The following RDX variants were observed in gnomAD, a reference collection of about 807,000 sequenced individuals.
The protein encoded by RDX is radixin.
Under a neutral mutation model 83.7 loss-of-function variants are expected in RDX, and 32 were observed. The ratio of observed to expected loss-of-function variants is 0.38; its 90% CI spans 0.29 to 0.51. The LOEUF (loss-of-function observed/expected upper bound fraction) is 0.51. Among genes scored for constraint, RDX ranks in the 20% least tolerant of loss-of-function variants. The pLI, the probability that RDX is intolerant of heterozygous loss-of-function variation, is 0.87. For missense variants in RDX, 600 were observed against 689.9 expected, an observed-to-expected ratio of 0.87 and a Z score of 1.46; for synonymous variants, 229 against 222.7, an observed-to-expected ratio of 1.03 and a Z score of -0.25.
At chr11:110,270,738 TAATA>T (rs1412432876) in intron 3 of RDX, among the ~76,000 whole-genome samples, 1 of 152,206 alleles carries the variant, frequency 6.6e-6, no homozygotes, top group Admixed American at 6.5e-5. Context: ...CACTGCCCTA[TAATA>T]AATGGTTTCA....
rs183003357 is a variant in RDX, at chr11:110,220,872, C to T, written c.1748+11001G>A. Among the ~76,000 whole-genome samples, 20 of 120,160 alleles carry T rather than the reference C, an allele frequency of 1.7e-4. No individual in the cohort carries two copies. The East Asian group carries it at 4.8e-3, about 29-fold the overall frequency. 78.8% of individuals were successfully genotyped at this position (120,160 alleles called of 152,430 possible). Reference sequence around the variant, plus strand: ...ACTGATAAAACCTGGATCTAAACAGCCTCTGTAAAAAAAAAAAAAAAAAAA... The same window carrying T: ...ACTGATAAAACCTGGATCTAAACAGTCTCTGTAAAAAAAAAAAAAAAAAAA... On this transcript the variant is annotated intron_variant, in intron 14 of 15. Coordinates refer to the RDX transcript ENST00000528498.
intron 10 of RDX, among the ~76,000 whole-genome samples, chr11:110,243,129 G>A (rs1273944005): frequency 6.6e-6 from 1 of 152,022 alleles, no homozygotes; most frequent in Non-Finnish European, 1.5e-5. Flanking sequence ...GACACTCAAG[G>A]GGAATGCTTA....
intron 8 of RDX, 100 bp from the exon 9 acceptor site, chr11:110,254,209 A>AT: frequency 2.2e-6 from 2 of 910,632 alleles, no homozygotes; most frequent in South Asian, 2.9e-5. Flanking sequence ...TTTTAATGTC[A>AT]TATTACATAT....
chr11:110,264,941 T>C, intron 3 of RDX, 67 bp from the exon 4 acceptor site: 1 of 1,141,638 alleles, frequency 8.8e-7, no homozygotes, highest in Non-Finnish European at 1.3e-6. Flanking sequence ...TAGATGATAC[T>C]ACACTTCAAA....
At chr11:110,256,100 T>C (rs913051638) in intron 7 of RDX, among the ~76,000 whole-genome samples, 2 of 152,192 alleles carry the variant, frequency 1.3e-5, no homozygotes, top group Admixed American at 1.3e-4. Flanking sequence ...TTTTCATGTA[T>C]TTTACTGTTT....
At chr11:110,279,188 T>C (rs1295523781) in intron 2 of RDX, among the ~76,000 whole-genome samples, 1 of 152,176 alleles carries the variant, frequency 6.6e-6, no homozygotes, top group Non-Finnish European at 1.5e-5. Flanking sequence ...ACTAATTATA[T>C]CCCATTTTAT....
chr11:110,199,366 T>C (rs563888227), intron 15 of RDX, among the ~76,000 whole-genome samples: 6 of 152,290 alleles, frequency 3.9e-5, no homozygotes, highest in African/African-American at 1.4e-4. Context: ...GCCCAAGAGA[T>C]GCAAACTATT....
At chr11:110,247,629 A>G in intron 10 of RDX, 74 bp downstream of exon 10, 2 of 1,469,410 alleles carry the variant, frequency 1.4e-6, no homozygotes, top group Non-Finnish European at 1.9e-6. Context: ...GTTTAAGAGT[A>G]CTAAAAAAAA....
At chr11:110,179,903 C>CTTTTTTTTTTTTTTTTTTTTTTTCTTT in intron 15 of RDX, 1 of 363,754 alleles carries the variant, frequency 2.7e-6, no homozygotes, top group Non-Finnish European at 5.1e-6. Context: ...TTTCTTTTTT[C>CTTTTTTTTTTTTTTTTTTTTTTTCTTT]TTTTTTTTTT....
At chr11:110,199,153 C>A (rs1174195216) in intron 15 of RDX, among the ~76,000 whole-genome samples, 1 of 152,088 alleles carries the variant, frequency 6.6e-6, no homozygotes, top group Non-Finnish European at 1.5e-5. Flanking sequence ...AACCTCCCAG[C>A]AGAACAGAAG....
intron 2 of RDX, among the ~76,000 whole-genome samples, chr11:110,277,154 T>C (rs1860551076): frequency 6.6e-6 from 1 of 152,204 alleles, no homozygotes; most frequent in African/African-American, 2.4e-5. Flanking sequence ...CTGCATATAA[T>C]TTTGACTCTT....
rs1294892592 is a variant in RDX, at chr11:110,260,478, G to A, written c.468-2289C>T. Among the ~76,000 whole-genome samples the A allele has an allele frequency of 3.9e-5, 6 of 152,152 alleles. No homozygotes were observed. In the South Asian group the frequency reaches 6.2e-4, roughly 16 times the overall value. Reference sequence around the variant, plus strand: ...GTTTTCTGAGATGGAGTCTCGCTCTGTCGCCCAGGCTGGAGTGCAGTGGCG... The same window carrying A: ...GTTTTCTGAGATGGAGTCTCGCTCTATCGCCCAGGCTGGAGTGCAGTGGCG... On this transcript the variant is annotated intron_variant, in intron 5 of 13. Coordinates refer to ENST00000645495, the MANE Select transcript of RDX (RefSeq NM_002906.4).
At chr11:110,222,279 T>C (rs1864275930) in intron 14 of RDX, among the ~76,000 whole-genome samples, 2 of 152,196 alleles carry the variant, frequency 1.3e-5, no homozygotes, top group Non-Finnish European at 2.9e-5. Context: ...TTACATACCT[T>C]AACCTCCTGT....
intron 14 of RDX, chr11:110,199,750 C>G: frequency 1.4e-6 from 1 of 702,450 alleles, no homozygotes; most frequent in Non-Finnish European, 2.6e-6. Flanking sequence ...AATGGGCAGG[C>G]TGACTACTTG....
intron 1 of RDX, among the ~76,000 whole-genome samples, chr11:110,291,966 G>A (rs900967415): frequency 1.3e-5 from 2 of 151,078 alleles, no homozygotes; most frequent in African/African-American, 2.4e-5. Flanking sequence ...GGCAACATAG[G>A]GATACCCCGT....
chr11:110,283,056 A>G (rs1269677736), intron 1 of RDX, among the ~76,000 whole-genome samples: 2 of 152,246 alleles, frequency 1.3e-5, no homozygotes, highest in East Asian at 3.8e-4. Context: ...ATGAATGAAA[A>G]GACCAGAATG....
chr11:110,249,897 G>A (rs1483134528), intron 9 of RDX, among the ~76,000 whole-genome samples: 3 of 151,952 alleles, frequency 2.0e-5, no homozygotes, highest in Non-Finnish European at 4.4e-5. Context: ...AAAAAACTAG[G>A]GCCTGGTGGT....
intron 10 of RDX, among the ~76,000 whole-genome samples, chr11:110,246,192 A>G (rs1000777024): frequency 1.3e-5 from 2 of 151,910 alleles, no homozygotes; most frequent in Admixed American, 6.6e-5. Flanking sequence ...CACCGCACCC[A>G]GCCTAGGTTA....
chr11:110,204,156 ATAAT>A (rs1340204914), intron 14 of RDX, among the ~76,000 whole-genome samples: 2 of 152,142 alleles, frequency 1.3e-5, no homozygotes, highest in African/African-American at 4.8e-5. Flanking sequence ...ACTGAAAACT[ATAAT>A]TATTTGCAGA....
Sources: allele counts gnomAD v4.1 joint callset (sites outside exome capture counted in the v4.1 genomes callset), GRCh38; gene constraint gnomAD v4.1.1; transcripts MANE v1.5; gene names NCBI Gene and HGNC (gene_info 2026-07-23, HGNC 2026-07-21).